TANC2: variants seen among roughly 807,000 people sequenced by gnomAD.
TANC2 encodes the protein tetratricopeptide repeat, ankyrin repeat and coiled-coil containing 2, also known as protein TANC2.
In TANC2, 26 loss-of-function variants were observed where a neutral mutation model predicts 210.5. That is an observed-to-expected ratio of 0.12 (90% CI 0.09 to 0.17). TANC2 has a LOEUF of 0.17. Among genes scored for constraint, TANC2 ranks in the 10% least tolerant of loss-of-function variants. The pLI, the probability that TANC2 is intolerant of heterozygous loss-of-function variation, is 1.00. For missense variants in TANC2, 2,129 were observed against 2,608.9 expected (o/e 0.82, Z 4.01); for synonymous variants, 931 against 967.1 (o/e 0.96, Z 0.69).
rs996888073 is a variant in TANC2 at position 63,388,542 on chromosome 17, A to G, written c.2692-93A>G. ...TTAGGGTGAGACTCCGCTCTCATTCATTAGTACCAAAAACAAAGAGGCCAC... is the reference window on the plus strand; with the variant it reads ...TTAGGGTGAGACTCCGCTCTCATTCGTTAGTACCAAAAACAAAGAGGCCAC... On this transcript the variant is annotated intron_variant, in intron 15 of 27. Transcript: ENST00000689528. 1.7e-5 allele frequency: 23 copies of G among 1,338,778 alleles called. No homozygotes were observed. The South Asian group carries it at 2.4e-4, about 14-fold the overall frequency. The allele number at this position is 1,338,778 out of a possible 1,614,324, so 82.9% of individuals were successfully genotyped here.
chr17:63,402,575 C>T lies in TANC2; in HGVS notation c.3332-2547C>T, dbSNP rs180747260. ...GATGAAAGAGTCATGTGTATCTCTG[C>T]GTTCTCTTTAGTGTCAGCATCCCAT... On this transcript the variant is annotated intron_variant, in intron 19 of 27. Transcript: ENST00000689528. 1.2e-3 allele frequency among the ~76,000 whole-genome samples: 181 copies of T among 152,268 alleles called. 1 individual carries two copies. Among genetic ancestry groups the T allele is most frequent in the African/African-American group, 4.2e-3 (174 of 41,544 alleles).
chr17:63,379,938 A>T (rs942690074), intron 15 of TANC2, 112 bp downstream of exon 15: 1 of 886,020 alleles, frequency 1.1e-6, no homozygotes, highest in Non-Finnish European at 1.7e-6. Flanking sequence ...TTTTGCTGCA[A>T]ACTTGGTTCA....
At chr17:63,159,705 G>A (rs1029792402) in intron 5 of TANC2, among the ~76,000 whole-genome samples, 3 of 152,100 alleles carry the variant, frequency 2.0e-5, no homozygotes, top group African/African-American at 4.8e-5. Context: ...TGAAATATAC[G>A]GGAGGATATA....
Position 62,989,045 on chromosome 17 carries a change from C to T in TANC2, c.-23-20492C>T, listed in dbSNP as rs569064104. On this transcript the variant is annotated intron_variant, in intron 1 of 27. Coordinates refer to ENST00000689528, the Ensembl canonical transcript of TANC2. ...GTTTACTTAAACCTCTAAATAATCC[C>T]CTCTCTCTTATAAATTTCCTTTACA... Among the ~76,000 whole-genome samples, 7 of 152,236 alleles carry T rather than the reference C, an allele frequency of 4.6e-5. No individual in the cohort carries two copies. The South Asian group carries it at 1.5e-3, about 32-fold the overall frequency.
At chr17:63,008,056 ATCTT>A (rs2033703625) in intron 1 of TANC2, among the ~76,000 whole-genome samples, 1 of 143,064 alleles carries the variant, frequency 7.0e-6, no homozygotes. Context: ...TGTTGAAAGT[ATCTT>A]TCAGTCTGTT....
At chr17:63,174,455 T>G (rs2040509495) in intron 5 of TANC2, among the ~76,000 whole-genome samples, 1 of 152,216 alleles carries the variant, frequency 6.6e-6, no homozygotes, top group South Asian at 2.1e-4. Context: ...CTGTATACAT[T>G]TAGGGACATG....
rs370115119 is a variant in TANC2, at chr17:63,408,084, G to A, written c.3589+1807G>A. Among the ~76,000 whole-genome samples the A allele has an allele frequency of 1.1e-4, 16 of 152,366 alleles. No homozygotes were observed. The East Asian group carries it at 2.1e-3, about 20-fold the overall frequency. On this transcript the variant is annotated intron_variant, in intron 21 of 27. Transcript: ENST00000689528. ...TTAAAAACAATCACTCTGGCAGTAT[G>A]TGAACAGCAGATTTGACAAAGGAGC...
chr17:63,265,529 T>TAAAC (rs2043498290), intron 8 of TANC2, among the ~76,000 whole-genome samples: 4 of 152,172 alleles, frequency 2.6e-5, no homozygotes, highest in Non-Finnish European at 4.4e-5. Flanking sequence ...ATGACTAATG[T>TAAAC]TTTGTAACTA....
At chr17:63,121,999 G>A (rs1254488355) in intron 4 of TANC2, among the ~76,000 whole-genome samples, 1 of 151,700 alleles carries the variant, frequency 6.6e-6, no homozygotes, top group African/African-American at 2.4e-5. Context: ...GGGGAGGGGA[G>A]GGTGCATATT....
At position 63,412,112 on chromosome 17, in the gene TANC2, A is replaced by G; in HGVS notation, c.3880A>G (p.Lys1294Glu). 1 of 1,613,906 alleles carries G rather than the reference A, an allele frequency of 6.2e-7. No homozygotes were observed. The highest frequency in any genetic ancestry group is 1.3e-5 in the African/African-American group (1 of 75,012). ...CACTTCTGTTGTTGTCACTCTTCTG[A>G]AGAAAGGAGCCAAGATAGGTAGGAG... Residue 1294 changes from lysine to glutamate, a missense_variant, in exon 23 of 28, where the codon AAG (lysine) becomes GAG (glutamate). Lys to Glu is a moderately conservative substitution (Grantham distance 56). Transcript: ENST00000689528. This position sits in a 1 kb window ranked among gnomAD's most constrained non-coding sequence, Gnocchi z 4.2.
chr17:63,072,847 A>G (rs1230469176), intron 2 of TANC2, among the ~76,000 whole-genome samples: 4 of 152,154 alleles, frequency 2.6e-5, no homozygotes, highest in Non-Finnish European at 2.9e-5. Context: ...TAGGCCTTAC[A>G]TATAATAAAT....
chr17:63,103,578 A>G (rs886396850), intron 4 of TANC2, among the ~76,000 whole-genome samples: 1 of 152,206 alleles, frequency 6.6e-6, no homozygotes, highest in African/African-American at 2.4e-5. Context: ...TGGGGATAAC[A>G]ATAATACAAC....
chr17:63,320,025 C>A (rs528526514), intron 11 of TANC2, among the ~76,000 whole-genome samples: 55 of 152,286 alleles, frequency 3.6e-4, no homozygotes, highest in African/African-American at 1.2e-3. Context: ...GTTTCACCTT[C>A]CTTCTTCCTA....
At chr17:62,991,261 G>A (rs981603812) in intron 1 of TANC2, among the ~76,000 whole-genome samples, 1 of 152,100 alleles carries the variant, frequency 6.6e-6, no homozygotes, top group Non-Finnish European at 1.5e-5. Flanking sequence ...TTTTATGCAT[G>A]TTTTCTTGTG....
intron 4 of TANC2, among the ~76,000 whole-genome samples, chr17:63,113,247 C>G (rs1261718800): frequency 1.3e-5 from 2 of 152,034 alleles, no homozygotes; most frequent in African/African-American, 4.8e-5. Context: ...TTTTATAATG[C>G]TAAACTATAT....
chr17:63,419,212 T>C (rs2048952722), intron 27 of TANC2, among the ~76,000 whole-genome samples: 1 of 152,132 alleles, frequency 6.6e-6, no homozygotes, highest in South Asian at 2.1e-4. Flanking sequence ...CTAGTGATGG[T>C]GGTGGCAGTG....
At chr17:63,299,125 G>A (rs1337707550) in intron 9 of TANC2, among the ~76,000 whole-genome samples, 1 of 152,100 alleles carries the variant, frequency 6.6e-6, no homozygotes, top group African/African-American at 2.4e-5. Context: ...TGGCTGCATA[G>A]TACTCCATGT....
At chr17:63,284,587 T>TA (rs1275225811) in intron 9 of TANC2, among the ~76,000 whole-genome samples, 1 of 152,072 alleles carries the variant, frequency 6.6e-6, no homozygotes, top group Non-Finnish European at 1.5e-5. Context: ...ATTCCAAGTG[T>TA]AATTTCACTG....
At chr17:63,224,770 G>C (rs557664718) in intron 7 of TANC2, among the ~76,000 whole-genome samples, 1 of 152,238 alleles carries the variant, frequency 6.6e-6, no homozygotes, top group South Asian at 2.1e-4. Flanking sequence ...TGTCCATTAG[G>C]CCTCCAGGGA....
Sources: gnomAD v4.1 joint callset for allele counts (sites outside exome capture counted in the v4.1 genomes callset) on GRCh38, gnomAD v4.1.1 for gene constraint, Gnocchi (gnomAD v3.1) non-coding constraint, MANE v1.5 for transcripts, NCBI Gene and HGNC (gene_info 2026-07-23, HGNC 2026-07-21) for gene names.